The following ZYX variants were observed in gnomAD, a reference collection of about 807,000 sequenced individuals.
The protein encoded by ZYX is zyxin, also known as zyxin-2.
A neutral mutation model predicts 58.1 loss-of-function variants in ZYX; 37 were observed. The observed-to-expected ratio is 0.64, with a 90% CI of 0.49 to 0.84. The LOEUF (loss-of-function observed/expected upper bound fraction) is 0.84. ZYX is among the 40% of genes least tolerant of loss of function. The pLI, the probability that ZYX is intolerant of heterozygous loss-of-function variation, is 0.00. For missense variants in ZYX, 762 were observed against 761.6 expected (o/e 1.00, Z -0.01); for synonymous variants, 324 against 321.1 (o/e 1.01, Z -0.10).
intron 3 of ZYX, 38 bp downstream of exon 3, chr7:143,382,485 C>A (rs1321615916): frequency 6.3e-7 from 1 of 1,590,370 alleles, no homozygotes; most frequent in Non-Finnish European, 8.6e-7. Context: ...ACTGGACACC[C>A]CCAAGGAGAG....
At position 143,388,151 on chromosome 7, in the gene ZYX, A is replaced by C; in HGVS notation, c.1024-68A>C. On this transcript the variant is annotated intron_variant, in intron 5 of 9. Coordinates refer to ENST00000322764, the MANE Select transcript of ZYX (RefSeq NM_003461.5). This position sits in a 1 kb window ranked among gnomAD's most constrained non-coding sequence, Gnocchi z 7.5. ...TAAGCCTCATCGGAAGAAGCCGGGT[A>C]GGCTGGCCTGGGAAGGTTCTTGGAG... 4.0e-6 allele frequency: 6 copies of C among 1,511,280 alleles called. No homozygotes were observed. Among genetic ancestry groups the C allele is most frequent in the Non-Finnish European group, 5.3e-6 (6 of 1,122,526 alleles). 93.6% of individuals were successfully genotyped at this position (1,511,280 alleles called of 1,614,324 possible).
At chr7:143,382,022 G>C in intron 2 of ZYX, 1 of 605,966 alleles carries the variant, frequency 1.7e-6, no homozygotes, top group Non-Finnish European at 2.8e-6. Context: ...CTTCCCCTCC[G>C]GGTCCGTTTT....
Position 143,389,011 on chromosome 7 carries a change from A to C in ZYX, c.1493+66A>C, listed in dbSNP as rs1586571944. 2 of 1,541,812 alleles carry C rather than the reference A, an allele frequency of 1.3e-6. No homozygotes were observed. The highest frequency in any genetic ancestry group is 8.8e-7 in the Non-Finnish European group (1 of 1,142,614). The stretch of plus-strand genomic sequence containing the variant: ...TGGTCTGGTAGCCCGGCTGCTTGCT[A>C]CCCTAGCCTCAGGACAGCCCCAAAC... On this transcript the variant is annotated intron_variant, in intron 8 of 9. Transcript: ENST00000322764. The surrounding 1 kb of genome is among the most constrained non-coding windows in gnomAD (Gnocchi z 5.6).
rs1366678255 is a variant in ZYX, at chr7:143,384,777, G to A, written c.1023+1455G>A. ...AAGTCTCCAGCACGATTTGGAGATG[G>A]GGTGTGGGCGGATGGCAGGATTGCT... On this transcript the variant is annotated intron_variant, in intron 5 of 9. Coordinates refer to ENST00000322764, the MANE Select transcript of ZYX (RefSeq NM_003461.5). The surrounding 1 kb of genome is among the most constrained non-coding windows in gnomAD (Gnocchi z 4.9). 1.3e-5 allele frequency among the ~76,000 whole-genome samples: 2 copies of A among 152,190 alleles called. No individual in the cohort carries two copies. The highest frequency in any genetic ancestry group is 2.4e-5 in the African/African-American group (1 of 41,448).
Position 143,390,585 on chromosome 7 carries a change from G to T in ZYX, c.1622G>T (p.Gly541Val), listed in dbSNP as rs1332927142. Residue 541 changes from glycine (G) to valine (V), a missense_variant, in exon 10 of 10, where the codon GGG (glycine) becomes GTG (valine). Transcript: ENST00000322764. This position sits in a 1 kb window ranked among gnomAD's most constrained non-coding sequence, Gnocchi z 4.3. ...ACCCTTCCTTCTTCCCAGGACTGCG[G>T]GAAGCCCCTGTCGATTGAGGCAGAT... is the stretch of plus-strand genomic sequence containing the variant. ...HMKCYKCEDC[G>V]KPLSIEADDN... The T allele has an allele frequency of 1.3e-6, 2 of 1,566,560 alleles. No individual in the cohort carries two copies. The highest frequency in any genetic ancestry group is 3.8e-5 in the Admixed American group (2 of 52,592).
At position 143,385,660 on chromosome 7, in the gene ZYX, C is replaced by CTTTTTTTTTTTTTTTTTTT. The variant is rs59995035; in HGVS notation, c.1023+2346_1023+2364dup. Among the ~76,000 whole-genome samples the CTTTTTTTTTTTTTTTTTTT allele has an allele frequency of 3.9e-4, 27 of 68,966 alleles. 1 individual carries two copies. Among genetic ancestry groups the CTTTTTTTTTTTTTTTTTTT allele is most frequent in the South Asian group, 1.4e-3 (2 of 1,444 alleles). The allele number at this position is 68,966 out of a possible 152,430, so 45.2% of individuals were successfully genotyped here. On this transcript the variant is annotated intron_variant, in intron 5 of 9. Transcript: ENST00000322764. Reference sequence around the variant, plus strand: ...TGTGTGAGCGTGTGGTGTGGTATATCTTTTTTTTTTTTTTTTTTTTTTTTT... The same window carrying CTTTTTTTTTTTTTTTTTTT: ...TGTGTGAGCGTGTGGTGTGGTATATCTTTTTTTTTTTTTTTTTTTTTTTTTTTTTTTTTTTTTTTTTTTT...
At position 143,388,840 on chromosome 7, in the gene ZYX, A is replaced by G. The variant is rs1259577103; in HGVS notation, c.1388A>G (p.Tyr463Cys). 1.2e-6 allele frequency: 2 copies of G among 1,614,008 alleles called. No homozygotes were observed. The highest frequency in any genetic ancestry group is 8.5e-7 in the Non-Finnish European group (1 of 1,179,950). ...DRMLRATGKA[Y>C]HPHCFTCVVC... ...ATGCTGAGGGCCACGGGCAAGGCCTATCACCCGCACTGCTTCACCTGTGTG... is the reference window on the plus strand; with the variant it reads ...ATGCTGAGGGCCACGGGCAAGGCCTGTCACCCGCACTGCTTCACCTGTGTG... Residue 463 changes from tyrosine (Y) to cysteine (C), a missense_variant, in exon 8 of 10, where the codon TAT (tyrosine) becomes TGT (cysteine). Tyr to Cys is a radical substitution (Grantham distance 194). Transcript: ENST00000322764. This position sits in a 1 kb window ranked among gnomAD's most constrained non-coding sequence, Gnocchi z 7.5.
In ZYX at chr7:143,388,731, C is replaced by T. The variant is rs200252570; in HGVS notation, c.1315-36C>T. ...GCCCTGGAAGCTTGCTGTGGGGTGC[C>T]GGTTCCCTGCCAACCTCCTCCTGCT... On this transcript the variant is annotated intron_variant, in intron 7 of 9. Coordinates refer to ENST00000322764, the MANE Select transcript of ZYX (RefSeq NM_003461.5). This position sits in a 1 kb window ranked among gnomAD's most constrained non-coding sequence, Gnocchi z 7.5. 903 of 1,609,664 alleles carry T rather than the reference C, an allele frequency of 5.6e-4. 9 individuals are homozygous for T. The African/African-American group carries it at 0.011, about 19-fold the overall frequency.
Position 143,390,732 on chromosome 7 carries a change from C to T in ZYX, c.*50C>T. 1 of 1,390,156 alleles carries T rather than the reference C, an allele frequency of 7.2e-7. No homozygotes were observed. Among genetic ancestry groups the T allele is most frequent in the Non-Finnish European group, 1.0e-6 (1 of 1,003,826 alleles). The allele number at this position is 1,390,156 out of a possible 1,614,324, so 86.1% of individuals were successfully genotyped here. On this transcript the variant is annotated 3_prime_UTR_variant, in exon 10 of 10. Coordinates refer to ENST00000322764, the MANE Select transcript of ZYX (RefSeq NM_003461.5). The surrounding 1 kb of genome is among the most constrained non-coding windows in gnomAD (Gnocchi z 4.3). ...GCAGTCCATGCCCCATTGTGGACCA[C>T]CCACACTGAGACCACCTGCCCCCAC...
chr7:143,390,035 C>T lies in ZYX; in HGVS notation c.1614+58C>T. ...TCTGACCAGGAGGTGGCGGGAGATG[C>T]TGCTTACTAACTGGGAGGTGGAAAG... On this transcript the variant is annotated intron_variant, in intron 9 of 9. Coordinates refer to ENST00000322764, the MANE Select transcript of ZYX (RefSeq NM_003461.5). The surrounding 1 kb of genome is among the most constrained non-coding windows in gnomAD (Gnocchi z 4.3). The T allele has an allele frequency of 1.9e-6, 3 of 1,597,700 alleles. No individual in the cohort carries two copies. The highest frequency in any genetic ancestry group is 1.7e-6 in the Non-Finnish European group (2 of 1,169,076).
chr7:143,386,000 G>C (rs1447750316), intron 5 of ZYX, among the ~76,000 whole-genome samples: 2 of 151,186 alleles, frequency 1.3e-5, no homozygotes, highest in Non-Finnish European at 3.0e-5. Flanking sequence ...TGGTATATGT[G>C]TGAGTGTGTG....
chr7:143,386,114 G>A (rs1332795800), intron 5 of ZYX, among the ~76,000 whole-genome samples: 5 of 151,926 alleles, frequency 3.3e-5, no homozygotes, highest in African/African-American at 9.7e-5. Flanking sequence ...GAGGGTGTGT[G>A]TGTTTGAGTC....
At position 143,390,292 on chromosome 7, in the gene ZYX, G is replaced by A. The variant is rs562521520; in HGVS notation, c.1615-286G>A. 6 of 548,276 alleles carry A rather than the reference G, an allele frequency of 1.1e-5. No individual in the cohort carries two copies. Among genetic ancestry groups the A allele is most frequent in the Admixed American group, 3.2e-5 (1 of 31,720 alleles). 34.0% of individuals were successfully genotyped at this position (548,276 alleles called of 1,614,324 possible). ...ACAGGAGCTGAGAGAAGAGGTCTTC[G>A]AATGGAGGTGAGCCAACCTCTATTT... is the stretch of plus-strand genomic sequence containing the variant. On this transcript the variant is annotated intron_variant, in intron 9 of 9. Coordinates refer to ENST00000322764, the MANE Select transcript of ZYX (RefSeq NM_003461.5). The surrounding 1 kb of genome is among the most constrained non-coding windows in gnomAD (Gnocchi z 4.3).
At position 143,388,235 on chromosome 7, in the gene ZYX, C is replaced by T. The variant is rs776601025; in HGVS notation, c.1040C>T (p.Ala347Val). 1.2e-6 allele frequency: 2 copies of T among 1,607,386 alleles called. No individual in the cohort carries two copies. Among genetic ancestry groups the T allele is most frequent in the East Asian group, 2.2e-5 (1 of 44,580 alleles). Residue 347 changes from alanine to valine, a missense_variant, in exon 6 of 10, where the codon GCC becomes GTC. Ala to Val is a moderately conservative substitution (Grantham distance 64). Coordinates refer to ENST00000322764, the MANE Select transcript of ZYX (RefSeq NM_003461.5). The surrounding 1 kb of genome is among the most constrained non-coding windows in gnomAD (Gnocchi z 7.5). ...QNQNQVRSPGAPGPLTLKEVE... is the reference protein window; with the variant it reads ...QNQNQVRSPGVPGPLTLKEVE... ...GGATTGCAGGTGCGCTCCCCTGGGG[C>T]CCCAGGGCCCCTGACTCTGAAGGAG... is the stretch of plus-strand genomic sequence containing the variant.
intron 5 of ZYX, among the ~76,000 whole-genome samples, chr7:143,386,159 G>C (rs147019904): frequency 2.2e-4 from 34 of 152,048 alleles, no homozygotes; most frequent in South Asian, 1.2e-3. Context: ...GCAAGTTAGG[G>C]GAGAAGGGCT....
intron 4 of ZYX, 24 bp from the exon 5 acceptor site, chr7:143,382,777 T>C: frequency 6.2e-7 from 1 of 1,609,670 alleles, no homozygotes; most frequent in South Asian, 1.1e-5. Context: ...ACTGCATCTC[T>C]CTTCCCTCTC....
In ZYX at chr7:143,390,727, GACCAC is replaced by G; in HGVS notation, c.*46_*50del. ...AGACCGCAGTCCATGCCCCATTGTG[GACCAC>G]CCACACTGAGACCACCTGCCCCCAC... On this transcript the variant is annotated 3_prime_UTR_variant, in exon 10 of 10. Coordinates refer to ENST00000322764, the MANE Select transcript of ZYX (RefSeq NM_003461.5). The surrounding 1 kb of genome is among the most constrained non-coding windows in gnomAD (Gnocchi z 4.3). 6.9e-7 allele frequency: 1 copy of G among 1,447,210 alleles called. No homozygotes were observed. Among genetic ancestry groups the G allele is most frequent in the Non-Finnish European group, 9.5e-7 (1 of 1,054,808 alleles). 89.6% of individuals were successfully genotyped at this position (1,447,210 alleles called of 1,614,324 possible). A position where few individuals can be genotyped will look rare whatever the true frequency, so the allele number is the denominator to read the frequency against.
Position 143,390,141 on chromosome 7 carries a change from GC to G in ZYX, c.1614+166del. On this transcript the variant is annotated intron_variant, in intron 9 of 9. Transcript: ENST00000322764. This position sits in a 1 kb window ranked among gnomAD's most constrained non-coding sequence, Gnocchi z 4.3. ...CATCTGTCCTGCCAGAATGCTTCCT[GC>G]CACTGCAGGAAATGGGGCTGTGGGG... 4 of 951,584 alleles carry G rather than the reference GC, an allele frequency of 4.2e-6. No homozygotes were observed. Among genetic ancestry groups the G allele is most frequent in the Non-Finnish European group, 3.1e-6 (2 of 648,444 alleles). 58.9% of individuals were successfully genotyped at this position (951,584 alleles called of 1,614,324 possible). A position where few individuals can be genotyped will look rare whatever the true frequency, so the allele number is the denominator to read the frequency against.
chr7:143,387,104 G>A lies in ZYX; in HGVS notation c.1024-1115G>A, dbSNP rs550100231. Among the ~76,000 whole-genome samples the A allele has an allele frequency of 9.8e-5, 15 of 152,286 alleles. No homozygotes were observed. The highest frequency in any genetic ancestry group is 7.2e-4 in the Admixed American group (11 of 15,296). ...AGTTGAAGTGAGTGTTCCAGGGAACGAGTCAGTTAAGAGATGGTAGGATCT... is the reference window on the plus strand; with the variant it reads ...AGTTGAAGTGAGTGTTCCAGGGAACAAGTCAGTTAAGAGATGGTAGGATCT... On this transcript the variant is annotated intron_variant, in intron 5 of 9. Coordinates refer to ENST00000322764, the MANE Select transcript of ZYX (RefSeq NM_003461.5). This position sits in a 1 kb window ranked among gnomAD's most constrained non-coding sequence, Gnocchi z 5.8.
Sources: allele counts gnomAD v4.1 joint callset (sites outside exome capture counted in the v4.1 genomes callset), GRCh38; gene constraint gnomAD v4.1.1; non-coding constraint Gnocchi (gnomAD v3.1); transcripts MANE v1.5; gene names NCBI Gene and HGNC (gene_info 2026-07-23, HGNC 2026-07-21).